Variants in SLC9A1 observed in about 807,000 individuals in gnomAD.
SLC9A1 encodes the protein solute carrier family 9 member A1.
SLC9A1 carries 22 observed loss-of-function variants against 67.9 expected under a neutral mutation model. The ratio of observed to expected loss-of-function variants is 0.32; its 90% CI spans 0.23 to 0.46. The LOEUF (loss-of-function observed/expected upper bound fraction) is 0.46, where lower values mean the gene tolerates loss of function less well. Among genes scored for constraint, SLC9A1 ranks in the 20% least tolerant of loss-of-function variants. The pLI, the probability that SLC9A1 is intolerant of heterozygous loss-of-function variation, is 1.00. For synonymous variants in SLC9A1, 421 were observed against 471.8 expected, an observed-to-expected ratio of 0.89 and a Z score of 1.40; for missense variants, 686 against 1,094.8, an observed-to-expected ratio of 0.63 and a Z score of 5.27.
chr1:27,126,596 C>T (rs146186166), intron 1 of SLC9A1, among the ~76,000 whole-genome samples: 1,585 of 152,200 alleles, frequency 0.01, 17 homozygotes, highest in Admixed American at 0.017. Flanking sequence ...TCTGATGACA[C>T]GGCACAGCTG....
rs748552089 is a variant in SLC9A1, at chr1:27,101,640, A to G, written c.2037+85T>C. On this transcript the variant is annotated intron_variant, in intron 10 of 11. Transcript: ENST00000263980. The surrounding 1 kb of genome is among the most constrained non-coding windows in gnomAD (Gnocchi z 4.9). The stretch of plus-strand genomic sequence containing the variant: ...CCCTCGAAAGCCAAACCCTGTTCCT[A>G]GAATGGGTACATTTCCTTAGAGGCT... 2.0e-6 allele frequency: 2 copies of G among 980,226 alleles called. No homozygotes were observed. The allele number at this position is 980,226 out of a possible 1,614,324, so 60.7% of individuals were successfully genotyped here. A position where few individuals can be genotyped will look rare whatever the true frequency, so the allele number is the denominator to read the frequency against.
chr1:27,108,286 T>G (rs1477797143), intron 3 of SLC9A1, among the ~76,000 whole-genome samples: 1 of 150,796 alleles, frequency 6.6e-6, no homozygotes, highest in African/African-American at 2.4e-5. Context: ...CAGGCTGGTC[T>G]TGAACTCCTG....
chr1:27,126,022 G>A (rs918630433), intron 1 of SLC9A1, among the ~76,000 whole-genome samples: 15 of 152,018 alleles, frequency 9.9e-5, no homozygotes, highest in Admixed American at 9.8e-4. Flanking sequence ...GCTTTTCCTT[G>A]AGCACAAACA....
chr1:27,117,258 GGCCA>G (rs908328697), intron 1 of SLC9A1, among the ~76,000 whole-genome samples: 1 of 152,186 alleles, frequency 6.6e-6, no homozygotes, highest in Non-Finnish European at 1.5e-5. Context: ...TACAGGCAGG[GGCCA>G]GAAAGCACCT....
At position 27,109,098 on chromosome 1, in the gene SLC9A1, C is replaced by T. The variant is rs1202725446; in HGVS notation, c.1064+429G>A. Among the ~76,000 whole-genome samples the T allele has an allele frequency of 3.3e-5, 5 of 152,136 alleles. No individual in the cohort carries two copies. Among genetic ancestry groups the T allele is most frequent in the Admixed American group, 6.5e-5 (1 of 15,288 alleles). On this transcript the variant is annotated intron_variant, in intron 3 of 11. Coordinates refer to ENST00000263980, the MANE Select transcript of SLC9A1 (RefSeq NM_003047.5). This position sits in a 1 kb window ranked among gnomAD's most constrained non-coding sequence, Gnocchi z 5.5. ...CCAGACCCGGTGGAGACCTCAGGAC[C>T]GCCAGGACTCAGGCCTGGTGAGCCT...
At position 27,107,884 on chromosome 1, in the gene SLC9A1, G is replaced by A. The variant is rs755729204; in HGVS notation, c.1065-19C>T. On this transcript the variant is annotated intron_variant, in intron 3 of 11. Coordinates refer to ENST00000263980, the MANE Select transcript of SLC9A1 (RefSeq NM_003047.5). ...TATGAGCCTGGAGCAGGAAAGAGCG[G>A]GGTCAGGGCTCCGTGTCGAGCTGCA... 145 of 1,561,126 alleles carry A rather than the reference G, an allele frequency of 9.3e-5. No individual in the cohort carries two copies. The highest frequency in any genetic ancestry group is 1.2e-4 in the Non-Finnish European group (143 of 1,146,178).
chr1:27,106,013 C>T lies in SLC9A1; in HGVS notation c.1357G>A (p.Ala453Thr). 6.2e-7 allele frequency: 1 copy of T among 1,613,582 alleles called. No individual in the cohort carries two copies. The highest frequency in any genetic ancestry group is 8.5e-7 in the Non-Finnish European group (1 of 1,179,944). Residue 453 changes from alanine (A) to threonine (T), a missense_variant, in exon 5 of 12, where the codon GCC (alanine) becomes ACC (threonine). Coordinates refer to ENST00000263980, the MANE Select transcript of SLC9A1 (RefSeq NM_003047.5). The surrounding 1 kb of genome is among the most constrained non-coding windows in gnomAD (Gnocchi z 4.3). ...KLTPKDQFII[A>T]YGGLRGAIAF... ...ATGGCCCCTCGCAGGCCCCCATAGG[C>T]GATGATGAACTGGTCCTTGGGGGTC...
At chr1:27,108,363 C>T (rs1427865766) in intron 3 of SLC9A1, among the ~76,000 whole-genome samples, 2 of 87,352 alleles carry the variant, frequency 2.3e-5, no homozygotes, top group African/African-American at 8.5e-5. Context: ...GCATGCCCGG[C>T]CCTATTCCTC....
rs1181961932 is a variant in SLC9A1, at chr1:27,154,387, G to A, written c.-53C>T. On this transcript the variant is annotated 5_prime_UTR_variant, in exon 1 of 12. Transcript: ENST00000263980. ...CTTACCCAAATGAGAGTAAAACCGG[G>A]CACATAGGTAGCAAAGGGTCAGCAA... The A allele has an allele frequency of 3.3e-6, 4 of 1,224,180 alleles. No homozygotes were observed. The highest frequency in any genetic ancestry group is 4.6e-6 in the Non-Finnish European group (4 of 877,210). The allele number at this position is 1,224,180 out of a possible 1,614,324, so 75.8% of individuals were successfully genotyped here. A position where few individuals can be genotyped will look rare whatever the true frequency, so the allele number is the denominator to read the frequency against.
At position 27,099,018 on chromosome 1, in the gene SLC9A1, C is replaced by A. The variant is rs999576840; in HGVS notation, c.*1289G>T. 1.3e-5 allele frequency: 2 copies of A among 152,586 alleles called. No individual in the cohort carries two copies. The highest frequency in any genetic ancestry group is 4.8e-5 in the African/African-American group (2 of 41,436). 9.5% of individuals were successfully genotyped at this position (152,586 alleles called of 1,614,324 possible). On this transcript the variant is annotated 3_prime_UTR_variant, in exon 12 of 12. Coordinates refer to ENST00000263980, the MANE Select transcript of SLC9A1 (RefSeq NM_003047.5). The stretch of plus-strand genomic sequence containing the variant: ...TGGCCCAGTCCCCTGCAAAAAGGGA[C>A]ACTCTGACTATTGCACAATCCTGGG...
At chr1:27,131,916 G>T (rs531919869) in intron 1 of SLC9A1, among the ~76,000 whole-genome samples, 1 of 93,088 alleles carries the variant, frequency 1.1e-5, no homozygotes, top group African/African-American at 4.4e-5. Flanking sequence ...GGGAGAATCC[G>T]TCTCAAAAAG....
At chr1:27,120,312 G>C (rs1322496739) in intron 1 of SLC9A1, among the ~76,000 whole-genome samples, 1 of 151,764 alleles carries the variant, frequency 6.6e-6, no homozygotes, top group Non-Finnish European at 1.5e-5. Context: ...TTTTAATAGA[G>C]GAGGGGTTTC....
chr1:27,132,042 A>G (rs1283379247), intron 1 of SLC9A1, among the ~76,000 whole-genome samples: 2 of 150,324 alleles, frequency 1.3e-5, no homozygotes, highest in African/African-American at 4.9e-5. Flanking sequence ...GGTAGGTGCT[A>G]TCACACCAAT....
Position 27,154,078 on chromosome 1 carries a change from C to T in SLC9A1, c.257G>A (p.Arg86His), listed in dbSNP as rs2124224356. The T allele has an allele frequency of 6.2e-7, 1 of 1,613,692 alleles. No individual in the cohort carries two copies. Among genetic ancestry groups the T allele is most frequent in the Non-Finnish European group, 8.5e-7 (1 of 1,179,790 alleles). Residue 86 changes from arginine (R) to histidine (H), a missense_variant, in exon 1 of 12, where the codon CGC (arginine) becomes CAC (histidine). Physicochemically the swap from Arg to His is conservative, Grantham distance 29. Around this residue, in one of 7 missense-constraint regions of SLC9A1, gnomAD observed 143 missense variants for 166.7 expected, o/e 0.86. Transcript: ENST00000263980. ...GATGCCCAGGACTGGAAAGGCCTTG[C>T]GCGGCTTCATGCCATGATCAGTGAC... ...HSVTDHGMKPRKAFPVLGIDY... is the reference protein window; with the variant it reads ...HSVTDHGMKPHKAFPVLGIDY...
intron 2 of SLC9A1, among the ~76,000 whole-genome samples, chr1:27,113,416 C>T (rs2083244163): frequency 6.6e-6 from 1 of 152,146 alleles, no homozygotes. Context: ...TATGACCGTA[C>T]CAGTTCACCA....
chr1:27,137,524 AGG>A lies in SLC9A1; in HGVS notation c.352+16457_352+16458del, dbSNP rs1203688896. Among the ~76,000 whole-genome samples, 1 of 151,992 alleles carries A rather than the reference AGG, an allele frequency of 6.6e-6. No individual in the cohort carries two copies. The highest frequency in any genetic ancestry group is 1.9e-4 in the East Asian group (1 of 5,184). On this transcript the variant is annotated intron_variant, in intron 1 of 11. Coordinates refer to ENST00000263980, the MANE Select transcript of SLC9A1 (RefSeq NM_003047.5). The surrounding 1 kb of genome is among the most constrained non-coding windows in gnomAD (Gnocchi z 4.6). ...GGGACCACAAAGTTGCAAGTGGGGG[AGG>A]GGGGTTTCAGTCCTGGTCTTTTGAT... is the stretch of plus-strand genomic sequence containing the variant.
intron 1 of SLC9A1, among the ~76,000 whole-genome samples, chr1:27,149,389 T>C (rs577452484): frequency 6.6e-6 from 1 of 152,350 alleles, no homozygotes; most frequent in South Asian, 2.1e-4. Flanking sequence ...TCTCATGTGA[T>C]TTGAGTAGGG....
chr1:27,104,907 A>C (rs765059026), intron 5 of SLC9A1, among the ~76,000 whole-genome samples: 8 of 152,210 alleles, frequency 5.3e-5, no homozygotes, highest in Non-Finnish European at 1.2e-4. Context: ...TTGCACCATC[A>C]CAGGCTGGGC....
intron 1 of SLC9A1, among the ~76,000 whole-genome samples, chr1:27,122,795 C>T (rs921873798): frequency 1.3e-5 from 2 of 152,216 alleles, no homozygotes; most frequent in Non-Finnish European, 2.9e-5. Flanking sequence ...GCCCCTCCCC[C>T]TGCAGGAAAG....
Sources: allele counts gnomAD v4.1 joint callset (sites outside exome capture counted in the v4.1 genomes callset), GRCh38; gene constraint gnomAD v4.1.1; regional missense constraint gnomAD v4.1.1; non-coding constraint Gnocchi (gnomAD v3.1); transcripts MANE v1.5; gene names NCBI Gene and HGNC (gene_info 2026-07-23, HGNC 2026-07-21).